Variants in GFOD2 observed in about 807,000 individuals in gnomAD.
GFOD2 encodes the protein glucose-fructose oxidoreductase domain-containing protein 2.
In GFOD2, 9 loss-of-function variants were observed where a neutral mutation model predicts 24.6. The observed-to-expected ratio is 0.37, with a 90% CI of 0.22 to 0.64. GFOD2 has a LOEUF of 0.64. Among genes scored for constraint, GFOD2 ranks in the 30% least tolerant of loss-of-function variants. The pLI is 0.65. For missense variants in GFOD2, 476 were observed against 532.5 expected (o/e 0.89, Z 1.04); for synonymous variants, 211 against 224.8 (o/e 0.94, Z 0.55).
intron 2 of GFOD2, 119 bp from the exon 3 acceptor site, chr16:67,676,172 CT>C (rs932255748): frequency 2.9e-6 from 3 of 1,031,788 alleles, no homozygotes; most frequent in Non-Finnish European, 4.1e-6. Context: ...ATTTTTTTTT[CT>C]TTTTTGTAGA....
Position 67,690,677 on chromosome 16 carries a change from G to C in GFOD2, c.-87-4875C>G, listed in dbSNP as rs530014781. Reference sequence around the variant, plus strand: ...TCTACATTTGGAGTCATAACAAAATGTCCTGTTTGTTATATGTACACTTTC... The same window carrying C: ...TCTACATTTGGAGTCATAACAAAATCTCCTGTTTGTTATATGTACACTTTC... On this transcript the variant is annotated intron_variant, in intron 1 of 2. Coordinates refer to ENST00000268797, the MANE Select transcript of GFOD2 (RefSeq NM_030819.4). 7.9e-5 allele frequency among the ~76,000 whole-genome samples: 12 copies of C among 152,236 alleles called. No individual in the cohort carries two copies. The South Asian group carries it at 2.1e-3, about 26-fold the overall frequency.
At chr16:67,714,887 T>C (rs191636800) in intron 1 of GFOD2, among the ~76,000 whole-genome samples, 21 of 152,264 alleles carry the variant, frequency 1.4e-4, no homozygotes, top group African/African-American at 4.8e-4. Flanking sequence ...AAAGAGTATA[T>C]ACATTTTATC....
At chr16:67,680,201 T>A (rs1044702786) in intron 2 of GFOD2, among the ~76,000 whole-genome samples, 1 of 152,246 alleles carries the variant, frequency 6.6e-6, no homozygotes, top group African/African-American at 2.4e-5. Flanking sequence ...CAACCCATGT[T>A]GATTTTATAA....
intron 1 of GFOD2, among the ~76,000 whole-genome samples, chr16:67,711,537 T>C (rs2053473869): frequency 6.6e-6 from 1 of 152,158 alleles, no homozygotes; most frequent in Non-Finnish European, 1.5e-5. Context: ...ATGTTATCTA[T>C]TCCCTGATGA....
At chr16:67,686,968 G>A (rs1156515092) in intron 1 of GFOD2, among the ~76,000 whole-genome samples, 1 of 150,872 alleles carries the variant, frequency 6.6e-6, no homozygotes, top group African/African-American at 2.4e-5. Flanking sequence ...CCAACGTGGT[G>A]AAACCCCGTC....
At chr16:67,714,410 G>A (rs1365432949) in intron 1 of GFOD2, among the ~76,000 whole-genome samples, 1 of 150,312 alleles carries the variant, frequency 6.7e-6, no homozygotes, top group Non-Finnish European at 1.5e-5. Context: ...ACCCAGAAGT[G>A]GACATTGCAG....
In GFOD2 at chr16:67,676,040, A is replaced by G; in HGVS notation, c.273T>C (p.Asn91=). ...ATGTTGCTGCCTTCTCGCAAACCAC[A>G]TTCTTCCCAATACCTAACAACAGGA... is the stretch of plus-strand genomic sequence containing the variant. ...ISVKALGIGK[N]VVCEKAATSV... is the part of the protein sequence containing the mutation. Residue 91 remains asparagine (N), a synonymous_variant, in exon 3 of 3, where the codon AAT becomes AAC. Transcript: ENST00000268797. The G allele has an allele frequency of 6.2e-7, 1 of 1,609,264 alleles. No homozygotes were observed. The highest frequency in any genetic ancestry group is 8.5e-7 in the Non-Finnish European group (1 of 1,177,358).
intron 1 of GFOD2, among the ~76,000 whole-genome samples, chr16:67,708,108 A>G (rs953190498): frequency 6.6e-6 from 1 of 152,182 alleles, no homozygotes; most frequent in Non-Finnish European, 1.5e-5. Flanking sequence ...CAACTGTCAA[A>G]ACTCATCAAA....
intron 1 of GFOD2, among the ~76,000 whole-genome samples, chr16:67,705,455 A>T (rs1004410542): frequency 6.6e-6 from 1 of 151,956 alleles, no homozygotes; most frequent in Non-Finnish European, 1.5e-5. Flanking sequence ...TTATCCACCC[A>T]TCTCAGCCCC....
At chr16:67,705,364 TG>T (rs2053431793) in intron 1 of GFOD2, among the ~76,000 whole-genome samples, 1 of 152,148 alleles carries the variant, frequency 6.6e-6, no homozygotes. Context: ...TGTGCCACCA[TG>T]CCCAGCTAAT....
chr16:67,697,452 T>C (rs575280197), intron 1 of GFOD2, among the ~76,000 whole-genome samples: 1 of 152,166 alleles, frequency 6.6e-6, no homozygotes, highest in African/African-American at 2.4e-5. Context: ...TAATATGAAG[T>C]GAGTATAATA....
intron 1 of GFOD2, among the ~76,000 whole-genome samples, chr16:67,693,376 T>C (rs2053330933): frequency 1.3e-5 from 2 of 151,948 alleles, no homozygotes; most frequent in African/African-American, 4.8e-5. Context: ...CCTCCTGGGT[T>C]CAAGTAAGTG....
chr16:67,674,779 C>G lies in GFOD2; in HGVS notation c.*376G>C, dbSNP rs2053170306. 5.3e-6 allele frequency: 1 copy of G among 187,916 alleles called. No homozygotes were observed. Among genetic ancestry groups the G allele is most frequent in the African/African-American group, 2.3e-5 (1 of 42,626 alleles). The allele number at this position is 187,916 out of a possible 1,614,324, so 11.6% of individuals were successfully genotyped here. On this transcript the variant is annotated 3_prime_UTR_variant, in exon 3 of 3. Coordinates refer to ENST00000268797, the MANE Select transcript of GFOD2 (RefSeq NM_030819.4). ...AGCCCAAGAACGAAACAAAACTTCT[C>G]ATCATTTCTCCTCAGGCCTCAGCCG...
intron 1 of GFOD2, among the ~76,000 whole-genome samples, chr16:67,705,994 T>G (rs2142997021): frequency 6.8e-6 from 1 of 147,734 alleles, no homozygotes; most frequent in Middle Eastern, 3.5e-3. Context: ...TTTTTTTTTT[T>G]TTTTTGGAGA....
intron 2 of GFOD2, chr16:67,680,582 A>G (rs2053217870): frequency 4.1e-6 from 1 of 246,018 alleles, no homozygotes; most frequent in African/African-American, 2.6e-5. Context: ...TCCTACCCCC[A>G]CCTCTGCCAC....
intron 1 of GFOD2, among the ~76,000 whole-genome samples, chr16:67,687,991 G>T (rs1249612475): frequency 2.0e-5 from 3 of 152,036 alleles, no homozygotes; most frequent in Non-Finnish European, 4.4e-5. Context: ...AGGAAAAAAG[G>T]TTTTTTTGTA....
At chr16:67,713,473 G>A (rs1196130401) in intron 1 of GFOD2, among the ~76,000 whole-genome samples, 2 of 152,040 alleles carry the variant, frequency 1.3e-5, no homozygotes, top group Admixed American at 1.3e-4. Context: ...TCCCCTTCCC[G>A]ACTTCCAATG....
At chr16:67,700,441 C>A (rs1184962541) in intron 1 of GFOD2, among the ~76,000 whole-genome samples, 3 of 151,816 alleles carry the variant, frequency 2.0e-5, no homozygotes, top group African/African-American at 2.4e-5. Context: ...TATCAGTAGT[C>A]ATTAGACAGC....
chr16:67,683,011 A>C (rs780630608), intron 2 of GFOD2: 47 of 292,646 alleles, frequency 1.6e-4, no homozygotes, highest in Admixed American at 3.2e-4. Context: ...CTGTCACTCA[A>C]GCTGGAGTGC....
Sources: gnomAD v4.1 joint callset for allele counts (sites outside exome capture counted in the v4.1 genomes callset) on GRCh38, gnomAD v4.1.1 for gene constraint, MANE v1.5 for transcripts, NCBI Gene and HGNC (gene_info 2026-07-23, HGNC 2026-07-21) for gene names.